The following ASB2 variants were observed in gnomAD, a reference collection of about 807,000 sequenced individuals.
ASB2 encodes the protein ankyrin repeat and SOCS box containing 2, also known as ankyrin repeat and SOCS box protein 2.
A neutral mutation model predicts 62.4 loss-of-function variants in ASB2; 58 were observed. The observed-to-expected ratio is 0.93, with a 90% CI of 0.75 to 1.16. The LOEUF is 1.16. Among genes scored for constraint, ASB2 ranks in the 50% most tolerant of loss-of-function variants. The pLI, the probability that ASB2 is intolerant of heterozygous loss-of-function variation, is 0.00. For synonymous variants in ASB2, 386 were observed against 385.3 expected (o/e 1.00, Z -0.02); for missense variants, 928 against 887.9 (o/e 1.05, Z -0.57).
At chr14:93,952,380 A>G (rs1469820023) in intron 5 of ASB2, among the ~76,000 whole-genome samples, 1 of 152,206 alleles carries the variant, frequency 6.6e-6, no homozygotes, top group Non-Finnish European at 1.5e-5. Flanking sequence ...CACGGATTCC[A>G]GGGAAGACAC....
At chr14:93,962,166 G>A (rs1595331013) in intron 2 of ASB2, among the ~76,000 whole-genome samples, 1 of 100,362 alleles carries the variant, frequency 1.0e-5, no homozygotes, top group East Asian at 9.0e-4. Flanking sequence ...CCAGGCTGGA[G>A]TGCAGTGGCG....
chr14:93,957,452 G>A, intron 2 of ASB2: 2 of 960,364 alleles, frequency 2.1e-6, no homozygotes, highest in Non-Finnish European at 2.5e-6. Context: ...GCATGAGGAA[G>A]GGCGTCGGAA....
At chr14:93,960,728 C>A (rs1889379028) in intron 2 of ASB2, among the ~76,000 whole-genome samples, 1 of 152,084 alleles carries the variant, frequency 6.6e-6, no homozygotes, top group South Asian at 2.1e-4. Context: ...TGAGGTGAGA[C>A]AGAAGCAAAT....
At chr14:93,974,753 G>A (rs1176955726) in intron 1 of ASB2, among the ~76,000 whole-genome samples, 1 of 152,224 alleles carries the variant, frequency 6.6e-6, no homozygotes, top group Non-Finnish European at 1.5e-5. Flanking sequence ...ACCTGAAAAT[G>A]GGAGTAACGA....
At position 93,954,547 on chromosome 14, in the gene ASB2, T is replaced by G. The variant is rs553554084; in HGVS notation, c.312-64A>C. On this transcript the variant is annotated intron_variant, in intron 3 of 9. Transcript: ENST00000555019. ...CCAAGGCCAGGCCAGGGGGCCTCTC[T>G]CTCAGGAGTGCTGGCAGTGGAGTCA... is the stretch of plus-strand genomic sequence containing the variant. The G allele has an allele frequency of 8.9e-5, 133 of 1,486,514 alleles. No individual in the cohort carries two copies. The African/African-American group carries it at 1.8e-3, about 20-fold the overall frequency. 92.1% of individuals were successfully genotyped at this position (1,486,514 alleles called of 1,614,324 possible).
At chr14:93,968,218 C>G (rs1163719957) in intron 1 of ASB2, 1 of 152,210 alleles carries the variant, frequency 6.6e-6, no homozygotes, top group African/African-American at 2.4e-5. Flanking sequence ...AGGCCCTTCC[C>G]AAGCCTCTCC....
chr14:93,948,269 A>C (rs1888818675), intron 6 of ASB2: 4 of 154,490 alleles, frequency 2.6e-5, no homozygotes, highest in Admixed American at 1.3e-4. Context: ...GATGGAGCCA[A>C]ACTTGAACCC....
At chr14:93,969,628 T>A (rs1348061764) in intron 1 of ASB2, among the ~76,000 whole-genome samples, 2 of 152,096 alleles carry the variant, frequency 1.3e-5, no homozygotes, top group Non-Finnish European at 2.9e-5. Flanking sequence ...GGAGGCTGAT[T>A]GGAATCAAAA....
At chr14:93,972,687 T>C (rs1889793639) in intron 1 of ASB2, among the ~76,000 whole-genome samples, 1 of 152,172 alleles carries the variant, frequency 6.6e-6, no homozygotes, top group Non-Finnish European at 1.5e-5. Context: ...TCATCTCTGC[T>C]CTGGCTAAGA....
In ASB2 at chr14:93,934,678, A is replaced by G; in HGVS notation, c.1886T>C (p.Leu629Pro). 1 of 1,614,114 alleles carries G rather than the reference A, an allele frequency of 6.2e-7. No homozygotes were observed. Among genetic ancestry groups the G allele is most frequent in the South Asian group, 1.1e-5 (1 of 91,080 alleles). Reference protein sequence around the residue: ...LPLPGRLIRYLKYENTQ With the variant: ...LPLPGRLIRYPKYENTQ Reference sequence around the variant, plus strand: ...CAGTTACTGGGTGTTCTCGTATTTCAGGTATCTAATCAGCCTGCCTGGGAG... The same window carrying G: ...CAGTTACTGGGTGTTCTCGTATTTCGGGTATCTAATCAGCCTGCCTGGGAG... Residue 629 changes from leucine (L) to proline (P), a missense_variant, in exon 10 of 10, where the codon CTG becomes CCG. Transcript: ENST00000555019.
chr14:93,948,788 T>C (rs1057486873), intron 6 of ASB2, among the ~76,000 whole-genome samples: 1 of 152,168 alleles, frequency 6.6e-6, no homozygotes, highest in Non-Finnish European at 1.5e-5. Context: ...GAGTAGCCCC[T>C]GGCCGGGCAT....
chr14:93,953,454 A>G lies in ASB2; in HGVS notation c.532T>C (p.Leu178=), dbSNP rs148291473. The G allele has an allele frequency of 2.2e-5, 35 of 1,608,650 alleles. No individual in the cohort carries two copies. The Admixed American group carries it at 3.8e-4, about 18-fold the overall frequency. Residue 178 remains leucine, a synonymous_variant, in exon 5 of 10, where the codon TTG becomes CTG. Coordinates refer to ENST00000555019, the MANE Select transcript of ASB2 (RefSeq NM_001202429.2). Reference sequence around the variant, plus strand: ...TCCAGGTGGCCCCTGCACGTTGCCAAGTAAACGGCTGTTTCCTCCTGCAGG... The same window carrying G: ...TCCAGGTGGCCCCTGCACGTTGCCAGGTAAACGGCTGTTTCCTCCTGCAGG... ...RTLQEETAVY[L]ATCRGHLDCL...
chr14:93,957,115 T>C (rs1461592239), intron 2 of ASB2: 12 of 1,402,066 alleles, frequency 8.6e-6, no homozygotes, highest in Non-Finnish European at 1.1e-5. Context: ...AAGACAACAA[T>C]GAGGTTAACC....
At chr14:93,964,800 T>C (rs2141314566) in intron 1 of ASB2, among the ~76,000 whole-genome samples, 188 bp from the exon 2 acceptor site, 1 of 151,850 alleles carries the variant, frequency 6.6e-6, no homozygotes, top group African/African-American at 2.4e-5. Flanking sequence ...TCTATTCATT[T>C]ACCCACCAGC....
chr14:93,969,510 G>A (rs1246645879), intron 1 of ASB2, among the ~76,000 whole-genome samples: 1 of 152,200 alleles, frequency 6.6e-6, no homozygotes, highest in Non-Finnish European at 1.5e-5. Context: ...GTTTCCCCTT[G>A]TCATGAAGAT....
chr14:93,956,615 G>T, intron 3 of ASB2, 151 bp downstream of exon 3: 1 of 1,050,166 alleles, frequency 9.5e-7, no homozygotes, highest in South Asian at 1.5e-5. Flanking sequence ...TGGGGCCCCA[G>T]GGGGGCACCC....
intron 1 of ASB2, among the ~76,000 whole-genome samples, chr14:93,973,359 T>C (rs1486472187): frequency 1.3e-5 from 2 of 152,220 alleles, no homozygotes; most frequent in African/African-American, 2.4e-5. Context: ...TATTTACTTA[T>C]TGATGTACAT....
At chr14:93,964,906 A>G (rs1889539137) in intron 1 of ASB2, among the ~76,000 whole-genome samples, 1 of 151,604 alleles carries the variant, frequency 6.6e-6, no homozygotes, top group African/African-American at 2.4e-5. Flanking sequence ...ACCCCTCTAT[A>G]CATATATTCA....
chr14:93,957,811 G>A (rs376500018), intron 2 of ASB2, among the ~76,000 whole-genome samples: 20 of 152,188 alleles, frequency 1.3e-4, no homozygotes, highest in Non-Finnish European at 2.2e-4. Context: ...TGGGGTTGTC[G>A]TGAGAACAGG....
Sources: allele counts gnomAD v4.1 joint callset (sites outside exome capture counted in the v4.1 genomes callset), GRCh38; gene constraint gnomAD v4.1.1; transcripts MANE v1.5; gene names NCBI Gene and HGNC (gene_info 2026-07-23, HGNC 2026-07-21).